Variants in NANP observed in about 807,000 individuals in gnomAD.
The protein encoded by NANP is N-acetylneuraminic acid phosphatase, also known as N-acylneuraminate-9-phosphatase.
In NANP, 15 loss-of-function variants were observed where a neutral mutation model predicts 16.9. That is an observed-to-expected ratio of 0.89 (90% CI 0.59 to 1.37). The LOEUF is 1.37. NANP is among the 40% of genes most tolerant of loss of function. The pLI is 0.00. For synonymous variants in NANP, 135 were observed against 112.6 expected (o/e 1.20, Z -1.26); for missense variants, 290 against 303.5 (o/e 0.96, Z 0.33).
At position 25,614,091 on chromosome 20, in the gene NANP, G is replaced by A. The variant is rs2065332294; in HGVS notation, c.*1834C>T. The A allele has an allele frequency of 2.7e-6, 1 of 366,836 alleles. No individual in the cohort carries two copies. Among genetic ancestry groups the A allele is most frequent in the Non-Finnish European group, 4.8e-6 (1 of 206,396 alleles). The allele number at this position is 366,836 out of a possible 1,614,324, so 22.7% of individuals were successfully genotyped here. On this transcript the variant is annotated 3_prime_UTR_variant, in exon 2 of 2. Coordinates refer to ENST00000304788, the MANE Select transcript of NANP (RefSeq NM_152667.3). ...TCACTGTTATAGCAACAGCACTTTGGTACAGTCAAGGGCACAATCACATTT... is the reference window on the plus strand; with the variant it reads ...TCACTGTTATAGCAACAGCACTTTGATACAGTCAAGGGCACAATCACATTT...
chr20:25,622,205 C>T (rs1025082461), intron 1 of NANP, among the ~76,000 whole-genome samples: 3 of 152,122 alleles, frequency 2.0e-5, no homozygotes, highest in African/African-American at 7.2e-5. Context: ...ATGTGGTAAA[C>T]CTGGAGACAA....
intron 1 of NANP, among the ~76,000 whole-genome samples, chr20:25,619,069 G>A (rs376536506): frequency 6.6e-6 from 1 of 151,550 alleles, no homozygotes; most frequent in Non-Finnish European, 1.5e-5. Context: ...AGAGAGGAAC[G>A]CATGTGTTTT....
rs964781821 is a variant in NANP, at chr20:25,615,752, G to T, written c.*173C>A. ...AGATATAAGTACCACTCAATGGTTG[G>T]TTGTTACAACTTAGAAGCAATAGGG... On this transcript the variant is annotated 3_prime_UTR_variant, in exon 2 of 2. Transcript: ENST00000304788. The T allele has an allele frequency of 9.4e-5, 60 of 635,466 alleles. No individual in the cohort carries two copies. In the Middle Eastern group the frequency reaches 1.6e-3, roughly 17 times the overall value. 39.4% of individuals were successfully genotyped at this position (635,466 alleles called of 1,614,324 possible).
chr20:25,619,318 G>A (rs929018945), intron 1 of NANP, among the ~76,000 whole-genome samples: 3 of 151,880 alleles, frequency 2.0e-5, no homozygotes, highest in African/African-American at 7.3e-5. Flanking sequence ...GACGGGTCTT[G>A]CCATATTGCC....
At chr20:25,623,622 C>T (rs1005524764) in intron 1 of NANP, among the ~76,000 whole-genome samples, 1 of 152,188 alleles carries the variant, frequency 6.6e-6, no homozygotes, top group African/African-American at 2.4e-5. Flanking sequence ...AAGGCACCTG[C>T]GAGCAGCCGC....
chr20:25,616,477 A>G lies in NANP; in HGVS notation c.195T>C (p.Asn65=), dbSNP rs780692884. 9 of 1,613,864 alleles carry G rather than the reference A, an allele frequency of 5.6e-6. No individual in the cohort carries two copies. In the South Asian group the frequency reaches 7.7e-5, roughly 14 times the overall value. ...AAGTCCTTAAATCAGTAATGCATGT[A>G]TTGTAAGGATGAAAACATTCCTTGC... ...KLSKECFHPY[N]TCITDLRTSH... is the part of the protein sequence containing the mutation. Residue 65 remains asparagine, a synonymous_variant, in exon 2 of 2, where the codon AAT becomes AAC. Coordinates refer to ENST00000304788, the MANE Select transcript of NANP (RefSeq NM_152667.3).
intron 1 of NANP, among the ~76,000 whole-genome samples, chr20:25,620,818 C>T (rs1224801003): frequency 6.6e-6 from 1 of 150,840 alleles, no homozygotes. Context: ...GGGATAGAGG[C>T]CCCCCTTTTT....
Position 25,616,262 on chromosome 20 carries a change from G to A in NANP, c.410C>T (p.Thr137Ile). ...ACAAGCCTCAATCTTCTCCCTCTGGGTCTGTCTGTCCCCATTCGTTAATAG... is the reference window on the plus strand; with the variant it reads ...ACAAGCCTCAATCTTCTCCCTCTGGATCTGTCTGTCCCCATTCGTTAATAG... ...LLLLTNGDRQ[T>I]QREKIEACAC... Residue 137 changes from threonine (T) to isoleucine (I), a missense_variant, in exon 2 of 2, where the codon ACC becomes ATC. By Grantham distance (89) the Thr-to-Ile change is moderately conservative (BLOSUM62 -1). Transcript: ENST00000304788. 1 of 1,614,178 alleles carries A rather than the reference G, an allele frequency of 6.2e-7. No individual in the cohort carries two copies. The highest frequency in any genetic ancestry group is 8.5e-7 in the Non-Finnish European group (1 of 1,180,030).
intron 1 of NANP, among the ~76,000 whole-genome samples, chr20:25,618,048 C>T (rs528329036): frequency 1.3e-5 from 2 of 152,276 alleles, no homozygotes; most frequent in South Asian, 4.1e-4. Flanking sequence ...GTTAATAACT[C>T]GCCCATCTGG....
chr20:25,623,182 G>A (rs1248849762), intron 1 of NANP, among the ~76,000 whole-genome samples: 1 of 152,218 alleles, frequency 6.6e-6, no homozygotes, highest in African/African-American at 2.4e-5. Flanking sequence ...CTGGAACACG[G>A]GAAGGTCTGA....
chr20:25,616,553 T>C lies in NANP; in HGVS notation c.119A>G (p.His40Arg), dbSNP rs772520211. ...GATGATTTCAGCCTCTTCTTTATAA[T>C]GGTATTTTGATTGTAAGAGTTTTAT... The part of the protein sequence containing the change: ...EVIKLLQSKY[H>R]YKEEAEIICD... The change falls in exon 2 of 2, where the codon CAT becomes CGT. Residue 40 changes from histidine to arginine, a missense_variant. Physicochemically the swap from His to Arg is conservative, Grantham distance 29. Transcript: ENST00000304788. 6.9e-6 allele frequency: 11 copies of C among 1,598,616 alleles called. No homozygotes were observed. The highest frequency in any genetic ancestry group is 8.5e-6 in the Non-Finnish European group (10 of 1,174,198).
At chr20:25,621,277 C>G (rs1344347604) in intron 1 of NANP, among the ~76,000 whole-genome samples, 1 of 152,140 alleles carries the variant, frequency 6.6e-6, no homozygotes, top group Non-Finnish European at 1.5e-5. Flanking sequence ...TTCTATCACA[C>G]CTGTAAATAT....
chr20:25,616,710 AC>A, intron 1 of NANP, 129 bp from the exon 2 acceptor site: 1 of 700,876 alleles, frequency 1.4e-6, no homozygotes, highest in Non-Finnish European at 2.3e-6. Flanking sequence ...GCTACTAACT[AC>A]ACCGTTTCTG....
In NANP at chr20:25,616,285, T is replaced by C. The variant is rs148060531; in HGVS notation, c.387A>G (p.Leu129=). ...GGGTCTGTCTGTCCCCATTCGTTAA[T>C]AGAAGTAGGCGGACCTCCTTTCGAA... The part of the protein sequence containing the change: ...TELRKEVRLL[L]LTNGDRQTQR... Residue 129 remains leucine (L), a synonymous_variant, in exon 2 of 2, where the codon CTA becomes CTG. Transcript: ENST00000304788. 2.0e-4 allele frequency: 329 copies of C among 1,614,190 alleles called. No individual in the cohort carries two copies. The African/African-American group carries it at 3.6e-3, about 18-fold the overall frequency.
Position 25,623,925 on chromosome 20 carries a change from C to T in NANP, c.24G>A (p.Ala8=), listed in dbSNP as rs1379667042. 5 of 1,613,418 alleles carry T rather than the reference C, an allele frequency of 3.1e-6. No homozygotes were observed. Among genetic ancestry groups the T allele is most frequent in the South Asian group, 1.1e-5 (1 of 91,074 alleles). ...GAGTGTTGTCCAAGTCAAAGAAAAC[C>T]GCCCGCACGCGGCTCAGCCCCATAG... is the stretch of plus-strand genomic sequence containing the variant. The part of the protein sequence containing the change: MGLSRVR[A]VFFDLDNTLI... Residue 8 remains alanine (A), a synonymous_variant, in exon 1 of 2, where the codon GCG becomes GCA. Coordinates refer to ENST00000304788, the MANE Select transcript of NANP (RefSeq NM_152667.3).
chr20:25,615,880 C>A lies in NANP; in HGVS notation c.*45G>T. ...GCCCTAACTTTTCTTATTTCATACT[C>A]AGCAAATTGATTCTAACATTCATAA... On this transcript the variant is annotated 3_prime_UTR_variant, in exon 2 of 2. Transcript: ENST00000304788. 1.3e-6 allele frequency: 2 copies of A among 1,529,852 alleles called. No individual in the cohort carries two copies. Among genetic ancestry groups the A allele is most frequent in the South Asian group, 1.3e-5 (1 of 77,472 alleles). The allele number at this position is 1,529,852 out of a possible 1,614,324, so 94.8% of individuals were successfully genotyped here. A position where few individuals can be genotyped will look rare whatever the true frequency, so the allele number is the denominator to read the frequency against.
Position 25,613,572 on chromosome 20 carries a change from AT to A in NANP, c.*2352del. On this transcript the variant is annotated 3_prime_UTR_variant, in exon 2 of 2. Coordinates refer to ENST00000304788, the MANE Select transcript of NANP (RefSeq NM_152667.3). ...AAGGAATATTATTCTAAAACAAAAA[AT>A]ATTAATAAAATCATAGGTTTATTCC... is the stretch of plus-strand genomic sequence containing the variant. 2.7e-6 allele frequency: 1 copy of A among 375,772 alleles called. No individual in the cohort carries two copies. The highest frequency in any genetic ancestry group is 4.7e-6 in the Non-Finnish European group (1 of 213,040). 23.3% of individuals were successfully genotyped at this position (375,772 alleles called of 1,614,324 possible). A position where few individuals can be genotyped will look rare whatever the true frequency, so the allele number is the denominator to read the frequency against.
chr20:25,616,436 GCTT>G lies in NANP; in HGVS notation c.233_235del (p.Glu78del), dbSNP rs2065344043. ...TGCACCACCTTTTGTTTCCTGGATTGCTTCTTCCCAATGTGAAGTCCTTAAATC... is the reference window on the plus strand; with the variant it reads ...TGCACCACCTTTTGTTTCCTGGATTGCTTCCCAATGTGAAGTCCTTAAATC... On this transcript the variant is annotated inframe_deletion, in exon 2 of 2. Coordinates refer to ENST00000304788, the MANE Select transcript of NANP (RefSeq NM_152667.3). 6.2e-7 allele frequency: 1 copy of G among 1,613,956 alleles called. No individual in the cohort carries two copies.
chr20:25,618,080 A>G (rs1431776961), intron 1 of NANP, among the ~76,000 whole-genome samples: 1 of 151,954 alleles, frequency 6.6e-6, no homozygotes, highest in East Asian at 1.9e-4. Flanking sequence ...ATACCTGCTT[A>G]CTTCCAAAGC....
Sources: gnomAD v4.1 joint callset for allele counts (sites outside exome capture counted in the v4.1 genomes callset) on GRCh38, gnomAD v4.1.1 for gene constraint, MANE v1.5 for transcripts, NCBI Gene and HGNC (gene_info 2026-07-23, HGNC 2026-07-21) for gene names.